The following CYYR1 variants were observed in gnomAD, a reference collection of about 807,000 sequenced individuals.
The protein encoded by CYYR1 is cysteine and tyrosine rich 1.
CYYR1 carries 14 observed loss-of-function variants against 15.2 expected under a neutral mutation model. The ratio of observed to expected loss-of-function variants is 0.92; its 90% confidence interval spans 0.61 to 1.44. CYYR1 has a LOEUF of 1.44. Ranked by LOEUF, CYYR1 falls within the 40% of genes most tolerant of loss-of-function variation. The pLI is 0.00. For synonymous variants in CYYR1, 80 were observed against 77.4 expected, an observed-to-expected ratio of 1.03 and a Z score of -0.18; for missense variants, 228 against 209.5, an observed-to-expected ratio of 1.09 and a Z score of -0.54.
At chr21:26,495,673 TGA>T (rs1256869300) in intron 2 of CYYR1, among the ~76,000 whole-genome samples, 7 of 152,116 alleles carry the variant, frequency 4.6e-5, no homozygotes, top group Admixed American at 4.6e-4. Flanking sequence ...AGCCGTGACT[TGA>T]GAGAGAGCCA....
chr21:26,554,607 TC>T (rs545578363), intron 2 of CYYR1, among the ~76,000 whole-genome samples: 53 of 152,230 alleles, frequency 3.5e-4, no homozygotes, highest in Middle Eastern at 6.8e-3. Flanking sequence ...GAGAGTGCTC[TC>T]CTGGGGAGAG....
intron 2 of CYYR1, 140 bp from the exon 3 acceptor site, chr21:26,480,569 T>TC (rs2065165240): frequency 9.0e-6 from 8 of 892,762 alleles, no homozygotes; most frequent in South Asian, 8.3e-5. Context: ...TCTTTTCTTT[T>TC]TTTTTTTAAA....
chr21:26,501,372 G>A (rs894449329), intron 2 of CYYR1, among the ~76,000 whole-genome samples: 1 of 152,074 alleles, frequency 6.6e-6, no homozygotes, highest in East Asian at 1.9e-4. Context: ...GATGGAAAAG[G>A]CCTGTTCTGA....
chr21:26,497,047 G>T (rs970039611), intron 2 of CYYR1, among the ~76,000 whole-genome samples: 1 of 151,976 alleles, frequency 6.6e-6, no homozygotes, highest in African/African-American at 2.4e-5. Flanking sequence ...AATTTAAAAA[G>T]GTTACCAAAC....
chr21:26,473,634 A>C (rs1378969128), intron 3 of CYYR1, among the ~76,000 whole-genome samples: 3 of 151,902 alleles, frequency 2.0e-5, no homozygotes, highest in African/African-American at 7.3e-5. Flanking sequence ...CCACCATGCA[A>C]CTCCTGCTTT....
At chr21:26,511,135 G>A (rs1371515767) in intron 2 of CYYR1, among the ~76,000 whole-genome samples, 1 of 152,154 alleles carries the variant, frequency 6.6e-6, no homozygotes, top group Admixed American at 6.5e-5. Flanking sequence ...ATCCATATGT[G>A]ATAGAGAAGT....
intron 2 of CYYR1, among the ~76,000 whole-genome samples, chr21:26,540,735 TA>T (rs202227536): frequency 1.1e-4 from 16 of 151,426 alleles, no homozygotes; most frequent in African/African-American, 2.9e-4. Flanking sequence ...TGTATTCTTT[TA>T]AAAAAAAATG....
intron 3 of CYYR1, among the ~76,000 whole-genome samples, chr21:26,474,213 C>T (rs2065072242): frequency 6.6e-6 from 1 of 151,634 alleles, no homozygotes; most frequent in Admixed American, 6.6e-5. Context: ...TGCCACCATA[C>T]CTGGCTAATT....
Position 26,492,816 on chromosome 21 carries a change from G to T in CYYR1, c.177-12387C>A, listed in dbSNP as rs2065346376. Among the ~76,000 whole-genome samples the T allele has an allele frequency of 4.6e-5, 7 of 152,214 alleles. No individual in the cohort carries two copies. The South Asian group carries it at 1.5e-3, about 32-fold the overall frequency. ...CCTATGATGTTGGAAATTTAAGGGA[G>T]ACTAAGACTGGGAAAGACACACGCA... On this transcript the variant is annotated intron_variant, in intron 2 of 3. Coordinates refer to ENST00000652641, the MANE Select transcript of CYYR1 (RefSeq NM_001320768.2).
At chr21:26,562,335 G>C (rs1980257921) in intron 2 of CYYR1, among the ~76,000 whole-genome samples, 1 of 152,162 alleles carries the variant, frequency 6.6e-6, no homozygotes, top group Non-Finnish European at 1.5e-5. Context: ...TTCATTTGGA[G>C]CCTTCTTATC....
intron 2 of CYYR1, among the ~76,000 whole-genome samples, chr21:26,532,991 A>G (rs2065951460): frequency 6.6e-6 from 1 of 152,026 alleles, no homozygotes; most frequent in African/African-American, 2.4e-5. Context: ...TACCCAAGGT[A>G]TCTTATTATG....
chr21:26,487,973 CTT>C (rs5843237), intron 2 of CYYR1, among the ~76,000 whole-genome samples: 10 of 146,248 alleles, frequency 6.8e-5, no homozygotes, highest in African/African-American at 1.8e-4. Flanking sequence ...TTTTATTTTG[CTT>C]TTTTTTTTTC....
At chr21:26,554,358 G>T (rs1307672431) in intron 2 of CYYR1, among the ~76,000 whole-genome samples, 6 of 151,962 alleles carry the variant, frequency 3.9e-5, no homozygotes, top group Non-Finnish European at 7.4e-5. Flanking sequence ...TATAAATCAG[G>T]TTTATATATT....
chr21:26,475,666 T>C (rs1435443017), intron 3 of CYYR1, among the ~76,000 whole-genome samples: 1 of 152,212 alleles, frequency 6.6e-6, no homozygotes, highest in African/African-American at 2.4e-5. Context: ...ACCCATTTTA[T>C]AGCAAAATTT....
intron 2 of CYYR1, among the ~76,000 whole-genome samples, chr21:26,488,718 C>A (rs192116915): frequency 6.6e-6 from 1 of 152,190 alleles, no homozygotes; most frequent in South Asian, 2.1e-4. Context: ...TTCTGTCTTA[C>A]CTTCCTTTCA....
chr21:26,559,740 C>T (rs1173429508), intron 2 of CYYR1, among the ~76,000 whole-genome samples: 1 of 152,128 alleles, frequency 6.6e-6, no homozygotes, highest in Non-Finnish European at 1.5e-5. Context: ...GTCTGTAATG[C>T]CATTTCTGTT....
At chr21:26,495,732 T>G (rs540035252) in intron 2 of CYYR1, among the ~76,000 whole-genome samples, 4 of 152,230 alleles carry the variant, frequency 2.6e-5, no homozygotes, top group Non-Finnish European at 5.9e-5. Flanking sequence ...TGTATTTGGC[T>G]AAGCCACAGA....
intron 2 of CYYR1, among the ~76,000 whole-genome samples, chr21:26,521,668 G>A (rs1383242192): frequency 1.3e-5 from 2 of 152,088 alleles, no homozygotes; most frequent in Non-Finnish European, 2.9e-5. Flanking sequence ...AAAGAGAATG[G>A]TGAGCAAAAC....
intron 2 of CYYR1, among the ~76,000 whole-genome samples, chr21:26,532,863 T>C (rs1321882374): frequency 6.6e-6 from 1 of 152,190 alleles, no homozygotes; most frequent in Admixed American, 6.6e-5. Context: ...TGGTTCAATG[T>C]ACACAAACTG....
Sources: allele counts gnomAD v4.1 joint callset (sites outside exome capture counted in the v4.1 genomes callset), GRCh38; gene constraint gnomAD v4.1.1; transcripts MANE v1.5; gene names NCBI Gene and HGNC (gene_info 2026-07-23, HGNC 2026-07-21).